The following ATRNL1 variants were observed in gnomAD, a reference collection of about 807,000 sequenced individuals.
The protein encoded by ATRNL1 is attractin-like protein 1.
A neutral mutation model predicts 182.7 loss-of-function variants in ATRNL1; 95 were observed. The ratio of observed to expected loss-of-function variants is 0.52; its 90% CI spans 0.44 to 0.62. ATRNL1 has a LOEUF of 0.62. ATRNL1 is among the 20% of genes least tolerant of loss of function. The pLI, the probability that ATRNL1 is intolerant of heterozygous loss-of-function variation, is 0.00. For synonymous variants in ATRNL1, 576 were observed against 568.3 expected (o/e 1.01, Z -0.19); for missense variants, 1,471 against 1,679.5 (o/e 0.88, Z 2.17).
At chr10:115,794,066 G>T (rs1418906770) in intron 27 of ATRNL1, among the ~76,000 whole-genome samples, 1 of 152,184 alleles carries the variant, frequency 6.6e-6, no homozygotes, top group Non-Finnish European at 1.5e-5. Flanking sequence ...AAGTAGACAA[G>T]TGTGCATCAA....
chr10:115,618,689 T>C (rs1305913611), intron 26 of ATRNL1, among the ~76,000 whole-genome samples: 1 of 152,202 alleles, frequency 6.6e-6, no homozygotes, highest in Non-Finnish European at 1.5e-5. Flanking sequence ...TATAATGATA[T>C]CTATTACTTT....
At position 115,266,685 on chromosome 10, in the gene ATRNL1, A is replaced by C. The variant is rs536704116; in HGVS notation, c.1773-112A>C. 39 of 601,642 alleles carry C rather than the reference A, an allele frequency of 6.5e-5. No individual in the cohort carries two copies. In the African/African-American group the frequency reaches 7.2e-4, roughly 11 times the overall value. 37.3% of individuals were successfully genotyped at this position (601,642 alleles called of 1,614,324 possible). On this transcript the variant is annotated intron_variant, in intron 11 of 28. Coordinates refer to ENST00000355044, the MANE Select transcript of ATRNL1 (RefSeq NM_207303.4). ...TTTAAAGAACAGTACTAACAGAAGT[A>C]CTTAAAATAGTATAAAATGTATATT... is the stretch of plus-strand genomic sequence containing the variant.
At chr10:115,880,964 A>G (rs1290743446) in intron 28 of ATRNL1, among the ~76,000 whole-genome samples, 1 of 152,170 alleles carries the variant, frequency 6.6e-6, no homozygotes, top group African/African-American at 2.4e-5. Flanking sequence ...CCACTTTAAC[A>G]TTCTGTGAGT....
intron 28 of ATRNL1, among the ~76,000 whole-genome samples, chr10:115,858,748 A>G (rs1951243853): frequency 6.6e-6 from 1 of 152,034 alleles, no homozygotes; most frequent in African/African-American, 2.4e-5. Flanking sequence ...TTTTTTTATG[A>G]TAGCTGACAC....
chr10:115,171,440 T>G, intron 8 of ATRNL1, 148 bp downstream of exon 8: 1 of 683,764 alleles, frequency 1.5e-6, no homozygotes, highest in Non-Finnish European at 2.2e-6. Context: ...TAAGCTTTTT[T>G]GATTATGTTA....
At chr10:115,336,435 A>G (rs1195550519) in intron 19 of ATRNL1, among the ~76,000 whole-genome samples, 40 of 152,188 alleles carry the variant, frequency 2.6e-4, no homozygotes, top group Non-Finnish European at 5.9e-4. Flanking sequence ...AGCTCTTTCT[A>G]AAGTGTTTCA....
intron 1 of ATRNL1, among the ~76,000 whole-genome samples, chr10:115,104,368 T>G (rs1554865390): frequency 6.6e-6 from 1 of 152,242 alleles, no homozygotes; most frequent in African/African-American, 2.4e-5. Flanking sequence ...TCAGATCTTT[T>G]GCATATTTTT....
At chr10:115,526,039 G>T (rs1036477420) in intron 25 of ATRNL1, among the ~76,000 whole-genome samples, 4 of 152,160 alleles carry the variant, frequency 2.6e-5, no homozygotes. Flanking sequence ...TTGTGAGGGG[G>T]CACCTGTTAC....
chr10:115,351,854 T>G lies in ATRNL1; in HGVS notation c.3175+17435T>G, dbSNP rs376699429. 1.1e-4 allele frequency among the ~76,000 whole-genome samples: 16 copies of G among 152,258 alleles called. No individual in the cohort carries two copies. The East Asian group carries it at 2.3e-3, about 22-fold the overall frequency. On this transcript the variant is annotated intron_variant, in intron 19 of 28. Transcript: ENST00000355044. ...CAGTAGGATGAATTTGAGAGTGTTC[T>G]CTCATCCTTGACTTTGTAGAATATA... is the stretch of plus-strand genomic sequence containing the variant.
At chr10:115,107,935 T>A (rs2143498684) in intron 1 of ATRNL1, among the ~76,000 whole-genome samples, 1 of 152,140 alleles carries the variant, frequency 6.6e-6, no homozygotes, top group Non-Finnish European at 1.5e-5. Context: ...TTCTGGAAAC[T>A]GTGATCTCAG....
At position 115,127,265 on chromosome 10, in the gene ATRNL1, T is replaced by C. The variant is rs1264784; in HGVS notation, c.492-328T>C. Among the ~76,000 whole-genome samples, 1,181 of 152,206 alleles carry C rather than the reference T, an allele frequency of 7.8e-3. 18 individuals are homozygous for C. Among genetic ancestry groups the C allele is most frequent in the African/African-American group, 0.028 (1,143 of 41,524 alleles). ...AGGTGACTTTAAGTGAAGTTTTATA[T>C]GAATTAAGTGGAAGACTACCCTGTA... On this transcript the variant is annotated intron_variant, in intron 3 of 28. Coordinates refer to ENST00000355044, the MANE Select transcript of ATRNL1 (RefSeq NM_207303.4).
At chr10:115,517,824 T>C (rs1850716798) in intron 24 of ATRNL1, among the ~76,000 whole-genome samples, 1 of 151,900 alleles carries the variant, frequency 6.6e-6, no homozygotes, top group South Asian at 2.1e-4. Context: ...TATTCTTTGA[T>C]AAGCTTCCTT....
intron 8 of ATRNL1, among the ~76,000 whole-genome samples, chr10:115,180,214 C>T (rs1004494839): frequency 8.6e-5 from 13 of 151,886 alleles, no homozygotes; most frequent in African/African-American, 3.1e-4. Flanking sequence ...CTCCATTATT[C>T]TGAAATCCAG....
At chr10:115,347,872 G>A (rs1159923884) in intron 19 of ATRNL1, among the ~76,000 whole-genome samples, 1 of 152,088 alleles carries the variant, frequency 6.6e-6, no homozygotes, top group Non-Finnish European at 1.5e-5. Flanking sequence ...TTGTGGCTAT[G>A]GAAAAATATA....
chr10:115,264,226 A>T (rs1429649935), intron 10 of ATRNL1, among the ~76,000 whole-genome samples: 1 of 151,644 alleles, frequency 6.6e-6, no homozygotes, highest in Non-Finnish European at 1.5e-5. Context: ...TTTGATGTTC[A>T]TTAATAAAAT....
intron 26 of ATRNL1, among the ~76,000 whole-genome samples, chr10:115,615,857 C>G (rs1010073939): frequency 6.6e-6 from 1 of 152,130 alleles, no homozygotes. Context: ...ATAAATTACC[C>G]AGTCACAGGT....
intron 26 of ATRNL1, among the ~76,000 whole-genome samples, chr10:115,713,797 A>G (rs540878668): frequency 5.9e-5 from 9 of 152,170 alleles, no homozygotes; most frequent in South Asian, 4.1e-4. Context: ...CTGTCTAGTC[A>G]TCAGTTGCTG....
chr10:115,341,933 C>A (rs1554938476), intron 19 of ATRNL1, among the ~76,000 whole-genome samples: 1 of 151,966 alleles, frequency 6.6e-6, no homozygotes, highest in African/African-American at 2.4e-5. Context: ...TTATTGTAGG[C>A]AACAGATTAT....
chr10:115,356,111 G>T (rs1554942749), intron 19 of ATRNL1, among the ~76,000 whole-genome samples: 1 of 152,036 alleles, frequency 6.6e-6, no homozygotes. Context: ...AAAGGAAGAT[G>T]AATTACCTTT....
Sources: allele counts gnomAD v4.1 joint callset (sites outside exome capture counted in the v4.1 genomes callset), GRCh38; gene constraint gnomAD v4.1.1; transcripts MANE v1.5; gene names NCBI Gene and HGNC (gene_info 2026-07-23, HGNC 2026-07-21).